GPR179: variants seen among roughly 807,000 people sequenced by gnomAD.
The protein encoded by GPR179 is probable G protein-coupled receptor 179.
In GPR179, 52 loss-of-function variants were observed where a neutral mutation model predicts 70.8. The ratio of observed to expected loss-of-function variants is 0.73; its 90% CI spans 0.59 to 0.93. The LOEUF (loss-of-function observed/expected upper bound fraction) is 0.93. Ranked by LOEUF, GPR179 falls within the 40% of genes least tolerant of loss-of-function variation. The pLI, the probability that GPR179 is intolerant of heterozygous loss-of-function variation, is 0.00. For synonymous variants in GPR179, 1,123 were observed against 1,169.0 expected (o/e 0.96, Z 0.80); for missense variants, 2,734 against 2,966.8 (o/e 0.92, Z 1.82).
chr17:38,336,075 C>A lies in GPR179; in HGVS notation c.1296+1G>T, dbSNP rs779656144. ...GGGCCAGCCTGTGGCCACAGACTCA[C>A]AGGAAAGTAAAGCAGCAGGAATCCA... is the stretch of plus-strand genomic sequence containing the variant. On this transcript the variant is annotated splice_donor_variant, in intron 5 of 10. Transcript: ENST00000616987. LOFTEE classifies it high-confidence loss of function. The A allele has an allele frequency of 6.2e-7, 1 of 1,611,560 alleles. No homozygotes were observed. The highest frequency in any genetic ancestry group is 8.5e-7 in the Non-Finnish European group (1 of 1,177,762).
intron 4 of GPR179, 22 bp from the exon 5 acceptor site, chr17:38,336,166 A>G: frequency 6.4e-7 from 1 of 1,553,486 alleles, no homozygotes; most frequent in Non-Finnish European, 8.9e-7. Flanking sequence ...GGAGAGAGGC[A>G]TGTGAGCAGA....
rs2037275018 is a variant in GPR179 at position 38,325,250 on chromosome 17, CAAGA to C, written c.*1211_*1214del. Reference sequence around the variant, plus strand: ...GCCTGAACTGACGAGAGAAGGGAGCCAAGAAAGAGAGAGCTCCCTAAGAAAGAAG... The same window carrying C: ...GCCTGAACTGACGAGAGAAGGGAGCCAAGAGAGAGCTCCCTAAGAAAGAAG... On this transcript the variant is annotated 3_prime_UTR_variant, in exon 11 of 11. Transcript: ENST00000616987. Among the ~76,000 whole-genome samples the C allele has an allele frequency of 1.3e-5, 2 of 152,106 alleles. No homozygotes were observed. Among genetic ancestry groups the C allele is most frequent in the African/African-American group, 2.4e-5 (1 of 41,400 alleles).
At chr17:38,331,890 C>T (rs1054980174) in intron 10 of GPR179, among the ~76,000 whole-genome samples, 2 of 152,150 alleles carry the variant, frequency 1.3e-5, no homozygotes, top group Admixed American at 6.5e-5. Flanking sequence ...AGCAATGTTA[C>T]CTGGGTGACC....
Position 38,343,923 on chromosome 17 carries a change from A to C in GPR179, c.-134T>G. ...TTCTTCCTCTCTCCGTCTCCCTCTC[A>C]CGCTGGTGCCAGCTCGCCTGCTTTT... On this transcript the variant is annotated 5_prime_UTR_variant, in exon 1 of 11. Transcript: ENST00000616987. This position sits in a 1 kb window ranked among gnomAD's most constrained non-coding sequence, Gnocchi z 4.2. 2 of 711,194 alleles carry C rather than the reference A, an allele frequency of 2.8e-6. No homozygotes were observed. The highest frequency in any genetic ancestry group is 2.5e-5 in the South Asian group (1 of 40,046). 44.1% of individuals were successfully genotyped at this position (711,194 alleles called of 1,614,324 possible). A position where few individuals can be genotyped will look rare whatever the true frequency, so the allele number is the denominator to read the frequency against.
rs1597664128 is a variant in GPR179 at position 38,330,477 on chromosome 17, C to T, written c.3092G>A (p.Arg1031Lys). The T allele has an allele frequency of 3.2e-6, 5 of 1,557,196 alleles. No individual in the cohort carries two copies. Among genetic ancestry groups the T allele is most frequent in the Non-Finnish European group, 8.7e-7 (1 of 1,149,734 alleles). Residue 1031 changes from arginine (R) to lysine (K), a missense_variant, in exon 11 of 11, where the codon AGG becomes AAG. Arg to Lys is a conservative substitution (Grantham distance 26, BLOSUM62 2). Coordinates refer to ENST00000616987, the MANE Select transcript of GPR179 (RefSeq NM_001004334.4). ...SPAPARARLW[R>K]ALSVAVEKSR... ...TTTCTCTACTGCAACAGAGAGGGCCCTCCAGAGCCTGGCTCGAGCTGGGGC... is the reference window on the plus strand; with the variant it reads ...TTTCTCTACTGCAACAGAGAGGGCCTTCCAGAGCCTGGCTCGAGCTGGGGC...
chr17:38,327,165 G>A lies in GPR179; in HGVS notation c.6404C>T (p.Ala2135Val), dbSNP rs577578718. 46 of 1,614,108 alleles carry A rather than the reference G, an allele frequency of 2.8e-5. No individual in the cohort carries two copies. The highest frequency in any genetic ancestry group is 1.1e-4 in the African/African-American group (8 of 75,020). The part of the protein sequence containing the change: ...AKKAEICPWE[A>V]GGGAAEEGEQ... Reference sequence around the variant, plus strand: ...CCCTTCCTCTGCTGCTCCTCCACCCGCCTCCCAAGGGCAGATCTCTGCTTT... The same window carrying A: ...CCCTTCCTCTGCTGCTCCTCCACCCACCTCCCAAGGGCAGATCTCTGCTTT... The change falls in exon 11 of 11, where the codon GCG becomes GTG. Residue 2135 changes from alanine (A) to valine (V), a missense_variant. Coordinates refer to ENST00000616987, the MANE Select transcript of GPR179 (RefSeq NM_001004334.4).
chr17:38,328,346 C>T lies in GPR179; in HGVS notation c.5223G>A (p.Arg1741=), dbSNP rs2037311422. Residue 1741 remains arginine, a synonymous_variant, in exon 11 of 11, where the codon AGG becomes AGA. Coordinates refer to ENST00000616987, the MANE Select transcript of GPR179 (RefSeq NM_001004334.4). ...TGKVSADLGP[R]ERAVTAPEKP... is the part of the protein sequence containing the mutation. ...TCTCTGGAGCAGTAACAGCTCTCTC[C>T]CTGGGTCCAAGATCTGCAGAAACCT... 1 of 1,613,916 alleles carries T rather than the reference C, an allele frequency of 6.2e-7. No homozygotes were observed. The highest frequency in any genetic ancestry group is 8.5e-7 in the Non-Finnish European group (1 of 1,180,020).
At position 38,337,052 on chromosome 17, in the gene GPR179, G is replaced by A. The variant is rs189522343; in HGVS notation, c.1153C>T (p.Leu385=). Residue 385 remains leucine (L), a synonymous_variant, in exon 4 of 11, where the codon CTG becomes TTG. Coordinates refer to ENST00000616987, the MANE Select transcript of GPR179 (RefSeq NM_001004334.4). ...EEAAVLRAAV[L]ACQACCMLAI... Reference sequence around the variant, plus strand: ...AGCATGCAGCAGGCCTGGCAGGCCAGCACAGCGGCCCGCAGCACCGCGGCC... The same window carrying A: ...AGCATGCAGCAGGCCTGGCAGGCCAACACAGCGGCCCGCAGCACCGCGGCC... 5.0e-6 allele frequency: 8 copies of A among 1,609,110 alleles called. No individual in the cohort carries two copies. In the East Asian group the frequency reaches 1.8e-4, roughly 36 times the overall value.
At chr17:38,333,081 C>T (rs189937109) in intron 10 of GPR179, among the ~76,000 whole-genome samples, 170 bp downstream of exon 10, 6 of 152,344 alleles carry the variant, frequency 3.9e-5, no homozygotes, top group African/African-American at 1.4e-4. Flanking sequence ...GTGTGGCCTC[C>T]TTTGAATAGA....
At position 38,328,410 on chromosome 17, in the gene GPR179, C is replaced by A; in HGVS notation, c.5159G>T (p.Gly1720Val). 6.2e-7 allele frequency: 1 copy of A among 1,612,706 alleles called. No homozygotes were observed. Among genetic ancestry groups the A allele is most frequent in the Non-Finnish European group, 8.5e-7 (1 of 1,179,668 alleles). ...GAGAGEERAL[G>V]AEAIRKSPND... is the part of the protein sequence containing the mutation. ...TGGAGATTTCCTAATGGCCTCAGCT[C>A]CCAAAGCCCTTTCCTCCCCTGCTCC... The change falls in exon 11 of 11, where the codon GGA becomes GTA. Residue 1720 changes from glycine (G) to valine (V), a missense_variant. Transcript: ENST00000616987.
In GPR179 at chr17:38,337,233, T is replaced by C; in HGVS notation, c.992-20A>G. 6.3e-7 allele frequency: 1 copy of C among 1,585,734 alleles called. No homozygotes were observed. Among genetic ancestry groups the C allele is most frequent in the Non-Finnish European group, 8.6e-7 (1 of 1,164,190 alleles). On this transcript the variant is annotated intron_variant, in intron 3 of 10. Transcript: ENST00000616987. ...CTAACCCTATAAAGAACAAGATGAGTGCAGGGAGAGGGGCCCAGCTAGAGC... is the reference window on the plus strand; with the variant it reads ...CTAACCCTATAAAGAACAAGATGAGCGCAGGGAGAGGGGCCCAGCTAGAGC...
At chr17:38,333,196 T>C in intron 10 of GPR179, 55 bp downstream of exon 10, 1 of 1,561,286 alleles carries the variant, frequency 6.4e-7, no homozygotes, top group Non-Finnish European at 8.8e-7. Flanking sequence ...CAGTCCTCCC[T>C]CTGCCCAGTT....
chr17:38,337,010 T>C lies in GPR179; in HGVS notation c.1195A>G (p.Met399Val), dbSNP rs2037409844. The change falls in exon 4 of 11, where the codon ATG becomes GTG. Residue 399 changes from methionine to valine, a missense_variant. Met to Val is a conservative substitution (Grantham distance 21). Transcript: ENST00000616987. ...ACCMLAIFLS[M>V]LVSYRCRRNK... The stretch of plus-strand genomic sequence containing the variant: ...CGGCGGCAGCGGTAGGAGACCAGCA[T>C]GCTCAGGAAGATGGCCAGCATGCAG... 10 of 1,606,530 alleles carry C rather than the reference T, an allele frequency of 6.2e-6. No homozygotes were observed. The highest frequency in any genetic ancestry group is 8.5e-6 in the Non-Finnish European group (10 of 1,177,548).
In GPR179 at chr17:38,330,030, CCT is replaced by C. The variant is rs1325427513; in HGVS notation, c.3537_3538del (p.Gly1180GlnfsTer13). 3 of 1,614,228 alleles carry C rather than the reference CCT, an allele frequency of 1.9e-6. No individual in the cohort carries two copies. The highest frequency in any genetic ancestry group is 2.2e-5 in the South Asian group (2 of 91,084). On this transcript the variant is annotated frameshift_variant, in exon 11 of 11. Transcript: ENST00000616987. LOFTEE classifies it low-confidence loss of function (END_TRUNC). ...CCCTAGACCCTGGGTCATCCTCCTG[CCT>C]CTGTCTTCTTGTTCCCTGCTGCCCT...
chr17:38,333,981 G>A lies in GPR179; in HGVS notation c.1842C>T (p.His614=). The change falls in exon 9 of 11, where the codon CAC becomes CAT. Residue 614 remains histidine, a synonymous_variant. Transcript: ENST00000616987. ...PDWTLLLFFF[H]THSTVTTTLA... The stretch of plus-strand genomic sequence containing the variant: ...GCGTGGTGGTGACTGTGCTGTGGGT[G>A]TGGAAGAAGAAGAGGAGGAGGGTCC... 6.2e-7 allele frequency: 1 copy of A among 1,613,932 alleles called. No homozygotes were observed. The highest frequency in any genetic ancestry group is 2.2e-5 in the East Asian group (1 of 44,868).
At position 38,328,932 on chromosome 17, in the gene GPR179, G is replaced by A; in HGVS notation, c.4637C>T (p.Ser1546Phe). ...CPRESTVPGHSSPCLDNSSSK... is the reference protein window; with the variant it reads ...CPRESTVPGHFSPCLDNSSSK... ...TGAGGAATTGTCTAGACATGGGCTG[G>A]AGTGCCCAGGGACCGTGCTCTCCCT... The change falls in exon 11 of 11, where the codon TCC (serine) becomes TTC (phenylalanine). Residue 1546 changes from serine to phenylalanine, a missense_variant. Ser to Phe is a radical substitution (Grantham distance 155). Transcript: ENST00000616987. The A allele has an allele frequency of 6.2e-7, 1 of 1,614,150 alleles. No individual in the cohort carries two copies. The highest frequency in any genetic ancestry group is 8.5e-7 in the Non-Finnish European group (1 of 1,180,028).
Position 38,337,656 on chromosome 17 carries a change from A to ATCTACACGAACGCT in GPR179, c.967_968insAGCGTTCGTGTAGA (p.Phe323Ter). On this transcript the variant is annotated stop_gained and frameshift_variant, in exon 3 of 11. Coordinates refer to ENST00000616987, the MANE Select transcript of GPR179 (RefSeq NM_001004334.4). LOFTEE classifies it high-confidence loss of function. ...ACCCCCAGAGGGGCTTGCCCCGTAG[A>ATCTACACGAACGCT]ATCCAGGTCGGCAGCGGCAGAGGTA... is the stretch of plus-strand genomic sequence containing the variant. 1 of 1,606,590 alleles carries ATCTACACGAACGCT rather than the reference A, an allele frequency of 6.2e-7. No individual in the cohort carries two copies. The highest frequency in any genetic ancestry group is 1.7e-5 in the Admixed American group (1 of 58,906).
chr17:38,333,478 C>T (rs2037377312), intron 9 of GPR179, 81 bp from the exon 10 acceptor site: 6 of 1,393,950 alleles, frequency 4.3e-6, no homozygotes, highest in Admixed American at 2.3e-5. Context: ...CTGTGGAATG[C>T]GTCCTTACTT....
chr17:38,327,795 A>C lies in GPR179; in HGVS notation c.5774T>G (p.Phe1925Cys), dbSNP rs770905475. 13 of 1,613,920 alleles carry C rather than the reference A, an allele frequency of 8.1e-6. No individual in the cohort carries two copies. The East Asian group carries it at 8.9e-5, about 11-fold the overall frequency. Residue 1925 changes from phenylalanine to cysteine, a missense_variant, in exon 11 of 11, where the codon TTC (phenylalanine) becomes TGC (cysteine). Phe to Cys is a radical substitution (Grantham distance 205). Coordinates refer to ENST00000616987, the MANE Select transcript of GPR179 (RefSeq NM_001004334.4). ...TTTTTCTTGGGTTATGTGTTCTGGG[A>C]AGGAACCTGTCTTTGGGTCTTGTCT... is the stretch of plus-strand genomic sequence containing the variant. ...DLRQDPKTGSFPEHITQEKAP... is the reference protein window; with the variant it reads ...DLRQDPKTGSCPEHITQEKAP...
Sources: allele counts gnomAD v4.1 joint callset (sites outside exome capture counted in the v4.1 genomes callset), GRCh38; gene constraint gnomAD v4.1.1; non-coding constraint Gnocchi (gnomAD v3.1); transcripts MANE v1.5; gene names NCBI Gene and HGNC (gene_info 2026-07-23, HGNC 2026-07-21).